The following IMMP2L variants were observed in gnomAD, a reference collection of about 807,000 sequenced individuals.
The protein encoded by IMMP2L is inner mitochondrial membrane peptidase subunit 2.
In IMMP2L, 18 loss-of-function variants were observed where a neutral mutation model predicts 19.3. The ratio of observed to expected loss-of-function variants is 0.93; its 90% CI spans 0.64 to 1.38. The LOEUF (loss-of-function observed/expected upper bound fraction) is 1.38, where lower values mean the gene tolerates loss of function less well. Among genes scored for constraint, IMMP2L ranks in the 40% most tolerant of loss-of-function variants. IMMP2L has a pLI of 0.00. For missense variants in IMMP2L, 233 were observed against 218.2 expected, an observed-to-expected ratio of 1.07 and a Z score of -0.43; for synonymous variants, 76 against 73.0, an observed-to-expected ratio of 1.04 and a Z score of -0.21.
intron 3 of IMMP2L, among the ~76,000 whole-genome samples, chr7:111,077,778 T>C (rs1262370128): frequency 6.6e-6 from 1 of 152,174 alleles, no homozygotes; most frequent in Admixed American, 6.5e-5. Flanking sequence ...CTATAGGAGA[T>C]CTCATCCCTG....
At chr7:110,802,735 C>T (rs138858457) in intron 5 of IMMP2L, among the ~76,000 whole-genome samples, 6 of 151,856 alleles carry the variant, frequency 4.0e-5, no homozygotes, top group African/African-American at 4.8e-5. Context: ...ATAAGAACCA[C>T]GAGAATATAA....
intron 3 of IMMP2L, among the ~76,000 whole-genome samples, chr7:111,424,165 A>T (rs1051039147): frequency 1.3e-5 from 2 of 151,926 alleles, no homozygotes; most frequent in African/African-American, 4.9e-5. Context: ...GTTAATGTTT[A>T]CGAATGCAAA....
At chr7:111,349,944 CTTTA>C (rs946748673) in intron 3 of IMMP2L, among the ~76,000 whole-genome samples, 1 of 151,460 alleles carries the variant, frequency 6.6e-6, no homozygotes, top group African/African-American at 2.4e-5. Context: ...GAGCTCATTA[CTTTA>C]TTTATCAAAA....
intron 5 of IMMP2L, among the ~76,000 whole-genome samples, chr7:110,784,961 G>A (rs1323026274): frequency 6.6e-6 from 1 of 151,766 alleles, no homozygotes; most frequent in Non-Finnish European, 1.5e-5. Flanking sequence ...TTTAAAATGA[G>A]ATACAAGAAA....
chr7:111,206,649 C>T (rs1810739513), intron 3 of IMMP2L, among the ~76,000 whole-genome samples: 2 of 152,044 alleles, frequency 1.3e-5, no homozygotes, highest in South Asian at 4.1e-4. Flanking sequence ...ATGTTATAAA[C>T]AATCCAATTA....
At chr7:111,236,860 C>G (rs1454975825) in intron 3 of IMMP2L, among the ~76,000 whole-genome samples, 2 of 152,128 alleles carry the variant, frequency 1.3e-5, no homozygotes, top group Admixed American at 1.3e-4. Context: ...GGATCACTGT[C>G]CTGAACTGTC....
intron 3 of IMMP2L, among the ~76,000 whole-genome samples, chr7:111,438,635 T>C (rs1424726914): frequency 6.6e-6 from 1 of 151,870 alleles, no homozygotes; most frequent in Non-Finnish European, 1.5e-5. Context: ...TATAAAACCT[T>C]TCTCTTCTAG....
intron 3 of IMMP2L, among the ~76,000 whole-genome samples, chr7:111,106,276 A>G (rs180859817): frequency 8.8e-4 from 134 of 152,064 alleles, no homozygotes; most frequent in African/African-American, 3.2e-3. Flanking sequence ...CAATTGAAGC[A>G]CAAGTCATTG....
chr7:111,337,370 ACT>A (rs944803788), intron 3 of IMMP2L, among the ~76,000 whole-genome samples: 1 of 152,142 alleles, frequency 6.6e-6, no homozygotes. Context: ...CCCATTAATT[ACT>A]TTTTTTCTAT....
chr7:111,269,307 A>G (rs1818192261), intron 3 of IMMP2L, among the ~76,000 whole-genome samples: 1 of 152,234 alleles, frequency 6.6e-6, no homozygotes, highest in African/African-American at 2.4e-5. Flanking sequence ...TATATAAATA[A>G]GCATTAATAA....
At chr7:110,865,516 C>T (rs756233499) in intron 5 of IMMP2L, among the ~76,000 whole-genome samples, 47 of 151,958 alleles carry the variant, frequency 3.1e-4, no homozygotes, top group Non-Finnish European at 4.9e-4. Flanking sequence ...CTTACAAATG[C>T]TATTCTCTTG....
chr7:111,430,241 G>A (rs941470850), intron 3 of IMMP2L, among the ~76,000 whole-genome samples: 32 of 151,652 alleles, frequency 2.1e-4, no homozygotes, highest in African/African-American at 7.1e-4. Flanking sequence ...AAAGAAATAC[G>A]TTTGAATTTT....
At chr7:111,131,750 T>C (rs1801868038) in intron 3 of IMMP2L, among the ~76,000 whole-genome samples, 1 of 151,966 alleles carries the variant, frequency 6.6e-6, no homozygotes, top group African/African-American at 2.4e-5. Flanking sequence ...AGCATTAACA[T>C]TCCAATTTAT....
chr7:111,216,367 T>G (rs1811921511), intron 3 of IMMP2L, among the ~76,000 whole-genome samples: 1 of 152,200 alleles, frequency 6.6e-6, no homozygotes, highest in Non-Finnish European at 1.5e-5. Flanking sequence ...CATCTTAAAC[T>G]TGCTTTGAAT....
intron 3 of IMMP2L, among the ~76,000 whole-genome samples, chr7:110,991,963 A>C (rs1250255714): frequency 6.6e-6 from 1 of 152,142 alleles, no homozygotes; most frequent in Non-Finnish European, 1.5e-5. Flanking sequence ...TGCCAATCAT[A>C]TCATATCCAT....
chr7:111,310,790 C>T (rs1823430983), intron 3 of IMMP2L, among the ~76,000 whole-genome samples: 1 of 152,026 alleles, frequency 6.6e-6, no homozygotes, highest in South Asian at 2.1e-4. Context: ...GAAGGATTTG[C>T]AAGATCAATA....
intron 4 of IMMP2L, among the ~76,000 whole-genome samples, chr7:110,916,085 G>A (rs1299882856): frequency 1.3e-5 from 2 of 152,174 alleles, no homozygotes; most frequent in African/African-American, 4.8e-5. Flanking sequence ...ATATGGTTAT[G>A]TAGAGTTTTT....
At chr7:111,071,640 C>A (rs955114026) in intron 3 of IMMP2L, among the ~76,000 whole-genome samples, 2 of 152,070 alleles carry the variant, frequency 1.3e-5, no homozygotes, top group Non-Finnish European at 2.9e-5. Flanking sequence ...CATAATGGGT[C>A]ACATATAATT....
At chr7:111,155,586 CTCTG>C (rs894663512) in intron 3 of IMMP2L, among the ~76,000 whole-genome samples, 1 of 151,794 alleles carries the variant, frequency 6.6e-6, no homozygotes, top group African/African-American at 2.4e-5. Flanking sequence ...TCCTCTGTCT[CTCTG>C]TCTGTGTATA....
Sources: allele counts gnomAD v4.1 joint callset (sites outside exome capture counted in the v4.1 genomes callset), GRCh38; gene constraint gnomAD v4.1.1; transcripts MANE v1.5; gene names NCBI Gene and HGNC (gene_info 2026-07-23, HGNC 2026-07-21).